The following ZMYM2 variants were observed in gnomAD, a reference collection of about 807,000 sequenced individuals.
ZMYM2 encodes the protein zinc finger MYM-type protein 2.
ZMYM2 carries 56 observed loss-of-function variants against 162.8 expected under a neutral mutation model. That is an observed-to-expected ratio of 0.34 (90% CI 0.28 to 0.43). ZMYM2 has a LOEUF of 0.43. Among genes scored for constraint, ZMYM2 ranks in the 20% least tolerant of loss-of-function variants. ZMYM2 has a pLI of 1.00. For missense variants in ZMYM2, 1,275 were observed against 1,621.8 expected, an observed-to-expected ratio of 0.79 and a Z score of 3.67; for synonymous variants, 510 against 541.6, an observed-to-expected ratio of 0.94 and a Z score of 0.81.
chr13:19,877,991 C>T, the ZMYM2 span, among the ~76,000 whole-genome samples: 1 of 152,026 alleles, frequency 6.6e-6, no homozygotes, highest in African/African-American at 2.4e-5. Context: ...TTTACATTCC[C>T]ACCAACAGTG....
chr13:20,019,653 A>G (rs1456898204), intron 7 of ZMYM2, 35 bp downstream of exon 7: 1 of 1,553,726 alleles, frequency 6.4e-7, no homozygotes. Context: ...CAAGGCCTTA[A>G]CATTTTTGAG....
chr13:19,930,258 G>A, the ZMYM2 span, among the ~76,000 whole-genome samples: 9 of 151,880 alleles, frequency 5.9e-5, no homozygotes, highest in Admixed American at 2.0e-4. Context: ...AGAATTAGCC[G>A]GGCATGGTGG....
chr13:20,030,871 AT>A (rs1373545608), intron 9 of ZMYM2, among the ~76,000 whole-genome samples: 1 of 152,170 alleles, frequency 6.6e-6, no homozygotes, highest in Non-Finnish European at 1.5e-5. Flanking sequence ...TGGAATGAAA[AT>A]TATAGTAGGG....
At chr13:19,876,900 C>T in the ZMYM2 span, among the ~76,000 whole-genome samples, 3 of 152,120 alleles carry the variant, frequency 2.0e-5, no homozygotes, top group Non-Finnish European at 4.4e-5. Context: ...TGTTGCTAAA[C>T]AGAATACCTG....
chr13:19,956,340 A>G (rs1954518397), upstream of ZMYM2, among the ~76,000 whole-genome samples: 1 of 152,226 alleles, frequency 6.6e-6, no homozygotes, highest in African/African-American at 2.4e-5. Flanking sequence ...TTAGGTCTGA[A>G]TAATATTCCA....
At chr13:19,866,046 A>AGT in the ZMYM2 span, among the ~76,000 whole-genome samples, 1 of 148,750 alleles carries the variant, frequency 6.7e-6, no homozygotes, top group African/African-American at 2.5e-5. Flanking sequence ...AATACTTAAG[A>AGT]TTTTTTTTTT....
chr13:19,972,944 T>G (rs1325585406), intron 2 of ZMYM2, among the ~76,000 whole-genome samples: 11 of 121,650 alleles, frequency 9.0e-5, no homozygotes, highest in Admixed American at 8.5e-4. Flanking sequence ...TGTTTTTTTG[T>G]TTTTTTTTTG....
chr13:20,036,834 T>C lies in ZMYM2; in HGVS notation c.2217T>C (p.Thr739=). The change falls in exon 12 of 25, where the codon ACT becomes ACC. Residue 739 remains threonine, a synonymous_variant. Transcript: ENST00000610343. The stretch of plus-strand genomic sequence containing the variant: ...CTCAGCTATGTAAGAAGGGAGCAAC[T>C]AAAGAACTCGATGGTGTTGTGAGAG... ...YCSQLCKKGA[T]KELDGVVRDF... The C allele has an allele frequency of 1.2e-6, 2 of 1,610,670 alleles. No homozygotes were observed. Among genetic ancestry groups the C allele is most frequent in the Non-Finnish European group, 8.5e-7 (1 of 1,178,300 alleles).
intron 9 of ZMYM2, among the ~76,000 whole-genome samples, chr13:20,029,068 C>G (rs1952836465): frequency 1.3e-5 from 2 of 152,148 alleles, no homozygotes; most frequent in African/African-American, 2.4e-5. Flanking sequence ...GGATAGTATT[C>G]CCACTTAGTC....
chr13:19,882,998 C>T, the ZMYM2 span, among the ~76,000 whole-genome samples: 1 of 152,080 alleles, frequency 6.6e-6, no homozygotes, highest in South Asian at 2.1e-4. Context: ...ATGGAAACAA[C>T]CTGCATATCC....
the ZMYM2 span, among the ~76,000 whole-genome samples, chr13:19,915,714 G>A: frequency 6.6e-6 from 1 of 151,686 alleles, no homozygotes; most frequent in South Asian, 2.1e-4. Context: ...ATGTTGGCCA[G>A]GCTGGTTTCG....
chr13:20,024,141 G>A (rs918416998), intron 7 of ZMYM2, among the ~76,000 whole-genome samples: 4 of 151,986 alleles, frequency 2.6e-5, no homozygotes, highest in African/African-American at 7.3e-5. Context: ...TGCCATGTTG[G>A]CCAGGCTGGT....
chr13:19,902,248 G>A, the ZMYM2 span, among the ~76,000 whole-genome samples: 1 of 152,196 alleles, frequency 6.6e-6, no homozygotes, highest in African/African-American at 2.4e-5. Context: ...AGTAAAATGG[G>A]GAATGGGGAG....
chr13:19,910,183 C>T, the ZMYM2 span, among the ~76,000 whole-genome samples: 347 of 151,782 alleles, frequency 2.3e-3, no homozygotes, highest in African/African-American at 8.2e-3. Context: ...GCCGAGATTG[C>T]GCCACTGCAC....
intron 15 of ZMYM2, 117 bp from the exon 16 acceptor site, chr13:20,059,330 T>TAAA (rs11432433): frequency 1.4e-4 from 103 of 757,720 alleles, no homozygotes; most frequent in East Asian, 1.7e-4. Context: ...AACTGGGAAT[T>TAAA]AAAAAAAAAA....
intron 7 of ZMYM2, among the ~76,000 whole-genome samples, chr13:20,021,173 C>T (rs1594405060): frequency 1.3e-5 from 2 of 152,086 alleles, no homozygotes; most frequent in South Asian, 2.1e-4. Flanking sequence ...GGCGGGGTTT[C>T]ACCGTGTTAG....
the ZMYM2 span, among the ~76,000 whole-genome samples, chr13:19,920,641 A>G: frequency 5.9e-5 from 9 of 152,024 alleles, no homozygotes; most frequent in Non-Finnish European, 8.8e-5. Context: ...GGGAGCAAAG[A>G]GAAAGGAAAA....
At chr13:19,955,492 C>T (rs183681343), upstream of ZMYM2, among the ~76,000 whole-genome samples, 4 of 152,302 alleles carry the variant, frequency 2.6e-5, no homozygotes, top group African/African-American at 9.6e-5. Flanking sequence ...CAGATGGGGG[C>T]AGTCTGGCTC....
chr13:20,059,457 G>C lies in ZMYM2; in HGVS notation c.2634G>C (p.Trp878Cys). Reference sequence around the variant, plus strand: ...GTTTTGTGTTTTTAGATGATACTTGGAGGACAGAATATGTTCCAGTGCCTA... The same window carrying C: ...GTTTTGTGTTTTTAGATGATACTTGCAGGACAGAATATGTTCCAGTGCCTA... ...QTKSCQTDDT[W>C]RTEYVPVPIP... Residue 878 changes from tryptophan to cysteine, a missense_variant, in exon 16 of 25, where the codon TGG (tryptophan) becomes TGC (cysteine). Around this residue, in one of 10 missense-constraint regions of ZMYM2, gnomAD observed 177 missense variants for 228.0 expected, o/e 0.78. Coordinates refer to ENST00000610343, the MANE Select transcript of ZMYM2 (RefSeq NM_197968.4). 9.9e-6 allele frequency: 16 copies of C among 1,612,858 alleles called. No homozygotes were observed. The highest frequency in any genetic ancestry group is 1.4e-5 in the Non-Finnish European group (16 of 1,179,036).
Sources: allele counts gnomAD v4.1 joint callset (sites outside exome capture counted in the v4.1 genomes callset), GRCh38; gene constraint gnomAD v4.1.1; regional missense constraint gnomAD v4.1.1; transcripts MANE v1.5; gene names NCBI Gene and HGNC (gene_info 2026-07-23, HGNC 2026-07-21).